Variants in PTCD2 observed in about 807,000 individuals in gnomAD.
The protein encoded by PTCD2 is pentatricopeptide repeat domain 2.
Under a neutral mutation model 42.6 loss-of-function variants are expected in PTCD2, and 31 were observed. That is an observed-to-expected ratio of 0.73 (90% CI 0.55 to 0.98). The LOEUF is 0.98. Among genes scored for constraint, PTCD2 ranks in the 50% least tolerant of loss-of-function variants. The pLI is 0.00. For synonymous variants in PTCD2, 183 were observed against 170.9 expected (o/e 1.07, Z -0.55); for missense variants, 476 against 454.8 (o/e 1.05, Z -0.42).
At chr5:72,320,698 G>A in intron 1 of PTCD2, 189 bp downstream of exon 1, 1 of 685,856 alleles carries the variant, frequency 1.5e-6, no homozygotes, top group Non-Finnish European at 2.4e-6. Context: ...CCCAGTGCCT[G>A]CAAATCGAAG....
intron 8 of PTCD2, among the ~76,000 whole-genome samples, chr5:72,351,845 C>A (rs749905948): frequency 1.4e-4 from 22 of 152,102 alleles, no homozygotes; most frequent in Non-Finnish European, 2.5e-4. Context: ...TATCACTAGT[C>A]TTATGAGATT....
In PTCD2 at chr5:72,320,798, T is replaced by TTTTA. The variant is rs376197172; in HGVS notation, c.127+309_127+312dup. On this transcript the variant is annotated intron_variant, in intron 1 of 9. Coordinates refer to ENST00000380639, the MANE Select transcript of PTCD2 (RefSeq NM_024754.5). ...GAACATCCCTCCCGCCTTGGGTGAC[T>TTTTA]TTTATTTATTTATTTATTTATTTTT... 3.7e-4 allele frequency: 139 copies of TTTTA among 372,030 alleles called. 2 individuals are homozygous for TTTTA. In the East Asian group the frequency reaches 6.1e-3, roughly 16 times the overall value. The allele number at this position is 372,030 out of a possible 1,614,324, so 23.0% of individuals were successfully genotyped here.
intron 7 of PTCD2, among the ~76,000 whole-genome samples, chr5:72,339,488 A>T (rs1380038445): frequency 6.6e-6 from 1 of 152,174 alleles, no homozygotes; most frequent in Non-Finnish European, 1.5e-5. Context: ...CGTGAGGGTG[A>T]TGCATTTCCA....
At position 72,360,030 on chromosome 5, in the gene PTCD2, A is replaced by G. The variant is rs896153484; in HGVS notation, c.*1603A>G. The G allele has an allele frequency of 1.1e-4, 16 of 152,012 alleles. No homozygotes were observed. The highest frequency in any genetic ancestry group is 3.1e-4 in the African/African-American group (13 of 41,394). 9.4% of individuals were successfully genotyped at this position (152,012 alleles called of 1,614,324 possible). A position where few individuals can be genotyped will look rare whatever the true frequency, so the allele number is the denominator to read the frequency against. ...TAGTGGCTGGCACATAGTACATGCA[A>G]TATGTTTGAAACTAGTTAAGGAATT... On this transcript the variant is annotated 3_prime_UTR_variant, in exon 10 of 10. Coordinates refer to ENST00000380639, the MANE Select transcript of PTCD2 (RefSeq NM_024754.5).
At chr5:72,338,800 C>G (rs1256562059) in intron 7 of PTCD2, 65 bp downstream of exon 7, 1 of 875,642 alleles carries the variant, frequency 1.1e-6, no homozygotes, top group Non-Finnish European at 1.8e-6. Flanking sequence ...TTTATTCGTC[C>G]TTGCTTTTCC....
intron 3 of PTCD2, among the ~76,000 whole-genome samples, chr5:72,327,041 T>G (rs781551270): frequency 3.9e-5 from 6 of 152,206 alleles, no homozygotes; most frequent in Admixed American, 2.6e-4. Flanking sequence ...ATGTACAAAT[T>G]CACTCCTCTT....
At chr5:72,347,547 G>A (rs1018367482) in intron 8 of PTCD2, among the ~76,000 whole-genome samples, 2 of 152,224 alleles carry the variant, frequency 1.3e-5, no homozygotes, top group East Asian at 3.9e-4. Context: ...TTAGCTGAAC[G>A]TGGTGGTGTG....
At chr5:72,357,172 C>T (rs1752916675) in intron 9 of PTCD2, among the ~76,000 whole-genome samples, 1 of 152,138 alleles carries the variant, frequency 6.6e-6, no homozygotes, top group African/African-American at 2.4e-5. Context: ...GGTTCACAGC[C>T]GTCTCAATCA....
chr5:72,330,704 A>T (rs920221633), intron 3 of PTCD2, among the ~76,000 whole-genome samples: 1 of 152,236 alleles, frequency 6.6e-6, no homozygotes, highest in African/African-American at 2.4e-5. Context: ...AAACTTAAAC[A>T]TTCAAAACCA....
rs1178105954 is a variant in PTCD2 at position 72,359,748 on chromosome 5, A to C, written c.*1321A>C. The C allele has an allele frequency of 6.6e-6, 1 of 152,178 alleles. No homozygotes were observed. The allele number at this position is 152,178 out of a possible 1,614,324, so 9.4% of individuals were successfully genotyped here. A position where few individuals can be genotyped will look rare whatever the true frequency, so the allele number is the denominator to read the frequency against. Reference sequence around the variant, plus strand: ...GACAGGATCCGCATATGAGAGTCGCACATTGGTATAATTGATTTGTGGTAG... The same window carrying C: ...GACAGGATCCGCATATGAGAGTCGCCCATTGGTATAATTGATTTGTGGTAG... On this transcript the variant is annotated 3_prime_UTR_variant, in exon 10 of 10. Coordinates refer to ENST00000380639, the MANE Select transcript of PTCD2 (RefSeq NM_024754.5).
At chr5:72,350,687 T>C (rs1315680664) in intron 8 of PTCD2, among the ~76,000 whole-genome samples, 5 of 152,240 alleles carry the variant, frequency 3.3e-5, no homozygotes, top group Non-Finnish European at 7.3e-5. Flanking sequence ...TTAGTTTACC[T>C]GGGATCATTT....
intron 8 of PTCD2, among the ~76,000 whole-genome samples, chr5:72,345,065 C>T (rs1177594197): frequency 6.6e-6 from 1 of 152,176 alleles, no homozygotes; most frequent in Non-Finnish European, 1.5e-5. Context: ...TTTCCTTGTC[C>T]TAATAAGCCT....
chr5:72,356,796 A>G (rs1163716049), intron 9 of PTCD2, among the ~76,000 whole-genome samples: 1 of 152,230 alleles, frequency 6.6e-6, no homozygotes, highest in African/African-American at 2.4e-5. Flanking sequence ...AACATTAAGA[A>G]GTGCTTAAGC....
chr5:72,350,770 G>A (rs16877809), intron 8 of PTCD2, among the ~76,000 whole-genome samples: 5 of 152,158 alleles, frequency 3.3e-5, no homozygotes, highest in Non-Finnish European at 7.4e-5. Flanking sequence ...ATGTTGCCAA[G>A]TAGACTGGTA....
intron 6 of PTCD2, 47 bp downstream of exon 6, chr5:72,335,932 G>T (rs1580159493): frequency 8.8e-7 from 1 of 1,141,602 alleles, no homozygotes; most frequent in South Asian, 1.3e-5. Context: ...TGTAGTCTTT[G>T]AGAGAGGATT....
In PTCD2 at chr5:72,366,873, A is replaced by G. The variant is rs1210895619; in HGVS notation, c.*8446A>G. ...CACATTAGATGTTTTGTGAGAAAACATACACTCAGTTTCTTATGAAAGAAA... is the reference window on the plus strand; with the variant it reads ...CACATTAGATGTTTTGTGAGAAAACGTACACTCAGTTTCTTATGAAAGAAA... On this transcript the variant is annotated 3_prime_UTR_variant, in exon 10 of 10. Coordinates refer to ENST00000380639, the MANE Select transcript of PTCD2 (RefSeq NM_024754.5). 8 of 152,368 alleles carry G rather than the reference A, an allele frequency of 5.3e-5. No individual in the cohort carries two copies. The highest frequency in any genetic ancestry group is 1.4e-4 in the African/African-American group (6 of 41,598). 9.4% of individuals were successfully genotyped at this position (152,368 alleles called of 1,614,324 possible).
chr5:72,325,719 C>T (rs1751100726), intron 2 of PTCD2, among the ~76,000 whole-genome samples: 2 of 152,210 alleles, frequency 1.3e-5, no homozygotes, highest in Non-Finnish European at 2.9e-5. Context: ...AGCAGCATTC[C>T]TTCAAAGCTC....
intron 9 of PTCD2, among the ~76,000 whole-genome samples, chr5:72,355,912 G>A (rs1460539301): frequency 6.6e-6 from 1 of 152,106 alleles, no homozygotes; most frequent in Non-Finnish European, 1.5e-5. Context: ...GGCACTAGAG[G>A]GCAGTGGCTG....
chr5:72,367,842 A>T lies in PTCD2; in HGVS notation c.*9415A>T, dbSNP rs1298314598. 6.6e-6 allele frequency: 1 copy of T among 152,238 alleles called. No homozygotes were observed. The highest frequency in any genetic ancestry group is 1.5e-5 in the Non-Finnish European group (1 of 68,062). The allele number at this position is 152,238 out of a possible 1,614,324, so 9.4% of individuals were successfully genotyped here. On this transcript the variant is annotated 3_prime_UTR_variant, in exon 10 of 10. Transcript: ENST00000380639. Reference sequence around the variant, plus strand: ...CAGGCACAACGCCCACTTTGCAAGTAAATAATCAGTAGCATGAAGCTCACT... The same window carrying T: ...CAGGCACAACGCCCACTTTGCAAGTTAATAATCAGTAGCATGAAGCTCACT...
Sources: allele counts gnomAD v4.1 joint callset (sites outside exome capture counted in the v4.1 genomes callset), GRCh38; gene constraint gnomAD v4.1.1; transcripts MANE v1.5; gene names NCBI Gene and HGNC (gene_info 2026-07-23, HGNC 2026-07-21).